The following ASAP1 variants were observed in gnomAD, a reference collection of about 807,000 sequenced individuals.
The protein encoded by ASAP1 is arf-GAP with SH3 domain, ANK repeat and PH domain-containing protein 1.
In ASAP1, 43 loss-of-function variants were observed where a neutral mutation model predicts 145.2. That is an observed-to-expected ratio of 0.30 (90% CI 0.23 to 0.38). The LOEUF (loss-of-function observed/expected upper bound fraction) is 0.38. Ranked by LOEUF, ASAP1 falls within the 10% of genes least tolerant of loss-of-function variation. The pLI, the probability that ASAP1 is intolerant of heterozygous loss-of-function variation, is 1.00. For synonymous variants in ASAP1, 546 were observed against 515.5 expected, an observed-to-expected ratio of 1.06 and a Z score of -0.80; for missense variants, 1,018 against 1,355.3, an observed-to-expected ratio of 0.75 and a Z score of 3.91.
At chr8:130,231,007 A>G (rs1817881057) in intron 4 of ASAP1, among the ~76,000 whole-genome samples, 1 of 152,190 alleles carries the variant, frequency 6.6e-6, no homozygotes, top group African/African-American at 2.4e-5. Flanking sequence ...ATACTTAACT[A>G]AAAAATAGCT....
intron 3 of ASAP1, among the ~76,000 whole-genome samples, chr8:130,304,293 T>C (rs1822856615): frequency 6.6e-6 from 1 of 152,056 alleles, no homozygotes; most frequent in Non-Finnish European, 1.5e-5. Context: ...TTGTATATTT[T>C]ATGTTTCTGT....
chr8:130,382,149 G>T (rs1188957769), intron 2 of ASAP1, among the ~76,000 whole-genome samples: 1 of 151,930 alleles, frequency 6.6e-6, no homozygotes, highest in Non-Finnish European at 1.5e-5. Flanking sequence ...AGCTGGGCGT[G>T]GTGGCAGGCG....
chr8:130,434,111 T>C (rs1248080078), intron 1 of ASAP1, among the ~76,000 whole-genome samples: 2 of 152,084 alleles, frequency 1.3e-5, no homozygotes, highest in Non-Finnish European at 2.9e-5. Context: ...AGTCCAGGAG[T>C]TCGAGACCAA....
intron 1 of ASAP1, among the ~76,000 whole-genome samples, chr8:130,407,366 CCAGGGCATAGTCT>C (rs1274390744): frequency 1.3e-5 from 2 of 152,216 alleles, no homozygotes; most frequent in Admixed American, 6.5e-5. Flanking sequence ...CCAGACACAA[CCAGGGCATAGTCT>C]CAGGCTGAGA....
chr8:130,277,548 G>A (rs1042295527), intron 3 of ASAP1, among the ~76,000 whole-genome samples: 3 of 152,086 alleles, frequency 2.0e-5, no homozygotes, highest in African/African-American at 4.8e-5. Context: ...AACTCCTAAA[G>A]ACAAGCACAA....
At chr8:130,436,795 T>C (rs1830327336) in intron 1 of ASAP1, among the ~76,000 whole-genome samples, 1 of 151,992 alleles carries the variant, frequency 6.6e-6, no homozygotes, top group African/African-American at 2.4e-5. Flanking sequence ...AGCAAGATCC[T>C]ATCACTTAAA....
chr8:130,433,199 A>T (rs909052100), intron 1 of ASAP1, among the ~76,000 whole-genome samples: 7 of 152,228 alleles, frequency 4.6e-5, no homozygotes, highest in African/African-American at 1.7e-4. Flanking sequence ...AGCAGGGATG[A>T]CTGCATTTCA....
chr8:130,423,112 CT>C (rs1013570026), intron 1 of ASAP1, among the ~76,000 whole-genome samples: 4 of 151,492 alleles, frequency 2.6e-5, no homozygotes, highest in Admixed American at 6.6e-5. Flanking sequence ...CATATTTATA[CT>C]TTTTTTTTGA....
At chr8:130,369,871 G>T (rs1472210296) in intron 2 of ASAP1, among the ~76,000 whole-genome samples, 1 of 152,168 alleles carries the variant, frequency 6.6e-6, no homozygotes, top group African/African-American at 2.4e-5. Flanking sequence ...TTACTATTGT[G>T]GACTGAATGC....
intron 1 of ASAP1, among the ~76,000 whole-genome samples, chr8:130,436,995 C>T (rs940915803): frequency 1.3e-5 from 2 of 151,140 alleles, no homozygotes; most frequent in African/African-American, 4.9e-5. Context: ...ATCCCAGCTA[C>T]TCAGGAGGCT....
intron 15 of ASAP1, among the ~76,000 whole-genome samples, chr8:130,128,491 A>C (rs768425237): frequency 5.9e-5 from 9 of 152,134 alleles, no homozygotes; most frequent in Non-Finnish European, 1.3e-4. Flanking sequence ...ATGATGAGAA[A>C]TGGAGAGGAG....
At chr8:130,356,465 T>C (rs1160498179) in intron 3 of ASAP1, among the ~76,000 whole-genome samples, 1 of 152,064 alleles carries the variant, frequency 6.6e-6, no homozygotes, top group Admixed American at 6.6e-5. Context: ...GACAGACCCA[T>C]GATGGGGTTC....
intron 7 of ASAP1, among the ~76,000 whole-genome samples, chr8:130,181,174 C>G (rs1814333315): frequency 6.6e-6 from 1 of 152,082 alleles, no homozygotes; most frequent in Non-Finnish European, 1.5e-5. Flanking sequence ...ATTATTAATT[C>G]CTAAAGTTAA....
intron 9 of ASAP1, among the ~76,000 whole-genome samples, chr8:130,174,428 C>T (rs1472876268): frequency 1.3e-5 from 2 of 152,150 alleles, no homozygotes; most frequent in African/African-American, 4.8e-5. Flanking sequence ...ATTACTGTAA[C>T]ATAACAAGAT....
intron 22 of ASAP1, 39 bp from the exon 23 acceptor site, chr8:130,115,774 T>G: frequency 7.1e-7 from 1 of 1,404,694 alleles, no homozygotes. Context: ...TTAATTTAAA[T>G]GCTGAAACAT....
intron 27 of ASAP1, among the ~76,000 whole-genome samples, chr8:130,062,296 T>C (rs1435045709): frequency 1.3e-5 from 2 of 152,284 alleles, no homozygotes; most frequent in South Asian, 4.1e-4. Context: ...AAAGACATTC[T>C]TAAAGAAGGA....
chr8:130,174,295 G>C (rs1158014220), intron 9 of ASAP1, among the ~76,000 whole-genome samples: 1 of 152,136 alleles, frequency 6.6e-6, no homozygotes, highest in Non-Finnish European at 1.5e-5. Context: ...TTGTTAGCTG[G>C]AAAGTGAAGC....
At chr8:130,411,012 C>G (rs754245687) in intron 1 of ASAP1, among the ~76,000 whole-genome samples, 1 of 152,190 alleles carries the variant, frequency 6.6e-6, no homozygotes. Context: ...AGGCACCCAC[C>G]ACCATGTCCA....
At chr8:130,098,012 CTCT>C (rs2097522158) in intron 24 of ASAP1, among the ~76,000 whole-genome samples, 1 of 152,154 alleles carries the variant, frequency 6.6e-6, no homozygotes, top group African/African-American at 2.4e-5. Flanking sequence ...TCTCTTCCTC[CTCT>C]TCTTGCATTT....
Sources: gnomAD v4.1 joint callset for allele counts (sites outside exome capture counted in the v4.1 genomes callset) on GRCh38, gnomAD v4.1.1 for gene constraint, MANE v1.5 for transcripts, NCBI Gene and HGNC (gene_info 2026-07-23, HGNC 2026-07-21) for gene names.